Variants in RBBP5 observed in about 807,000 individuals in gnomAD.
The protein encoded by RBBP5 is retinoblastoma-binding protein 5.
RBBP5 carries 5 observed loss-of-function variants against 72.2 expected under a neutral mutation model. That is an observed-to-expected ratio of 0.07 (90% CI 0.04 to 0.15). The LOEUF (loss-of-function observed/expected upper bound fraction) is 0.15. RBBP5 is among the 10% of genes least tolerant of loss of function. RBBP5 has a pLI of 1.00. For missense variants in RBBP5, 322 were observed against 652.2 expected, an observed-to-expected ratio of 0.49 and a Z score of 5.51; for synonymous variants, 209 against 237.2, an observed-to-expected ratio of 0.88 and a Z score of 1.09.
chr1:205,111,453 C>A (rs1656312736), intron 3 of RBBP5, among the ~76,000 whole-genome samples: 1 of 152,178 alleles, frequency 6.6e-6, no homozygotes, highest in Non-Finnish European at 1.5e-5. Context: ...AGACATGCAA[C>A]CATAATCTCA....
intron 1 of RBBP5, among the ~76,000 whole-genome samples, chr1:205,119,983 C>T (rs1656673425): frequency 6.6e-6 from 1 of 152,132 alleles, no homozygotes; most frequent in Non-Finnish European, 1.5e-5. Context: ...GTCTCCTGAC[C>T]CCTAGACCAC....
intron 1 of RBBP5, among the ~76,000 whole-genome samples, chr1:205,120,550 G>A (rs1028952681): frequency 2.0e-5 from 3 of 152,180 alleles, no homozygotes; most frequent in Admixed American, 6.6e-5. Context: ...GGGAGGCTGA[G>A]GTGAGTGGAT....
intron 1 of RBBP5, 82 bp downstream of exon 1, chr1:205,121,773 G>T: frequency 6.3e-7 from 1 of 1,595,010 alleles, no homozygotes; most frequent in Non-Finnish European, 8.6e-7. Context: ...CCCTAAGATT[G>T]CAGCCTGACT....
At chr1:205,109,310 A>C (rs1434005812) in intron 3 of RBBP5, among the ~76,000 whole-genome samples, 1 of 150,114 alleles carries the variant, frequency 6.7e-6, no homozygotes, top group African/African-American at 2.5e-5. Flanking sequence ...AATACACTGT[A>C]ACAGGAAACC....
intron 10 of RBBP5, 47 bp downstream of exon 10, chr1:205,098,942 A>C (rs751506990): frequency 8.2e-7 from 1 of 1,225,988 alleles, no homozygotes; most frequent in Middle Eastern, 2.0e-4. Context: ...TAAGTAAAGC[A>C]ATCATTTTCC....
chr1:205,117,448 G>C (rs979928621), intron 1 of RBBP5, among the ~76,000 whole-genome samples: 6 of 151,774 alleles, frequency 4.0e-5, no homozygotes, highest in Non-Finnish European at 7.4e-5. Flanking sequence ...ATCACCTGAG[G>C]TCGGGAGTTC....
intron 10 of RBBP5, 48 bp from the exon 11 acceptor site, chr1:205,097,443 C>T (rs1310386646): frequency 4.6e-6 from 7 of 1,521,468 alleles, no homozygotes. Flanking sequence ...TGAAAAACTG[C>T]TTTTTATTTG....
chr1:205,094,852 A>G (rs1655549914), intron 13 of RBBP5, 21 bp downstream of exon 13: 1 of 1,593,980 alleles, frequency 6.3e-7, no homozygotes, highest in Non-Finnish European at 8.6e-7. Context: ...AAGCCAGACA[A>G]TGCTCCCAAT....
rs1313529915 is a variant in RBBP5, at chr1:205,114,831, G to A, written c.176C>T (p.Ala59Val). 6.4e-7 allele frequency: 1 copy of A among 1,554,342 alleles called. No individual in the cohort carries two copies. The highest frequency in any genetic ancestry group is 8.7e-7 in the Non-Finnish European group (1 of 1,148,056). The change falls in exon 3 of 14, where the codon GCT becomes GTT. Residue 59 changes from alanine to valine, a missense_variant. Around this residue, in one of 6 missense-constraint regions of RBBP5, gnomAD observed 161 missense variants for 327.8 expected, o/e 0.49. Transcript: ENST00000264515. ...ATGGATGTGTGCACTAATTATTTTA[G>A]CAATGCCTCTTGTCAAGAAATCCCA... The part of the protein sequence containing the change: ...VIWDFLTRGI[A>V]KIISAHIHPV...
At chr1:205,107,071 T>TAAAC (rs1033242481) in intron 3 of RBBP5, among the ~76,000 whole-genome samples, 6 of 123,954 alleles carry the variant, frequency 4.8e-5, no homozygotes, top group African/African-American at 1.8e-4. Context: ...TGTGTGTGTG[T>TAAAC]ATACATATAT....
rs754539839 is a variant in RBBP5 at position 205,100,228 on chromosome 1, C to T, written c.676G>A (p.Asp226Asn). The part of the protein sequence containing the change: ...NTADRIIRVY[D>N]GREILTCGRD... ...CCACATGTTAAGATTTCTCTGCCAT[C>T]ATAAACTCTGATTATTCGATCTGCC... Residue 226 changes from aspartate (D) to asparagine (N), a missense_variant, in exon 7 of 14, where the codon GAT becomes AAT. Asp to Asn is a conservative substitution (Grantham distance 23, BLOSUM62 1). Around this residue, in one of 6 missense-constraint regions of RBBP5, gnomAD observed 161 missense variants for 327.8 expected, o/e 0.49. Transcript: ENST00000264515. 6.2e-7 allele frequency: 1 copy of T among 1,614,120 alleles called. No homozygotes were observed. The highest frequency in any genetic ancestry group is 1.1e-5 in the South Asian group (1 of 91,084).
chr1:205,095,314 G>A (rs1655568303), intron 12 of RBBP5, among the ~76,000 whole-genome samples: 2 of 152,056 alleles, frequency 1.3e-5, no homozygotes, highest in Admixed American at 1.3e-4. Context: ...ATGCGGCCTA[G>A]GACAGCTTTG....
intron 5 of RBBP5, among the ~76,000 whole-genome samples, chr1:205,102,082 G>C (rs140428055): frequency 0.014 from 2,100 of 152,096 alleles, 29 homozygotes; most frequent in Middle Eastern, 0.037. Flanking sequence ...TTTTAGTAGA[G>C]ACAGGGTTTC....
At chr1:205,119,745 T>A (rs1003445455) in intron 1 of RBBP5, among the ~76,000 whole-genome samples, 3 of 152,244 alleles carry the variant, frequency 2.0e-5, no homozygotes, top group African/African-American at 7.2e-5. Context: ...CATAGATTAA[T>A]ACATGGAAGG....
rs1655428336 is a variant in RBBP5, at chr1:205,093,351, C to T, written c.1588+1522G>A. ...TGGTGCACGCCTGTAATCCCAGCTA[C>T]TCAGGAAGCTAGGCAAGAGAATCAC... On this transcript the variant is annotated intron_variant, in intron 13 of 13. Transcript: ENST00000264515. 2.7e-5 allele frequency among the ~76,000 whole-genome samples: 4 copies of T among 148,132 alleles called. No homozygotes were observed. The Admixed American group carries it at 2.7e-4, about 10-fold the overall frequency.
chr1:205,108,479 G>C (rs1656172022), intron 3 of RBBP5, among the ~76,000 whole-genome samples: 1 of 152,098 alleles, frequency 6.6e-6, no homozygotes, highest in African/African-American at 2.4e-5. Flanking sequence ...ATAAATGTAT[G>C]ATGTAAAACC....
chr1:205,114,990 A>G (rs560926875), intron 2 of RBBP5, 29 bp from the exon 3 acceptor site: 6 of 1,541,378 alleles, frequency 3.9e-6, no homozygotes, highest in East Asian at 4.7e-5. Flanking sequence ...ACAAGAATAG[A>G]GGCAACAATA....
intron 13 of RBBP5, among the ~76,000 whole-genome samples, chr1:205,092,255 C>T (rs1262368570): frequency 6.6e-6 from 1 of 152,152 alleles, no homozygotes; most frequent in Non-Finnish European, 1.5e-5. Flanking sequence ...TGTAATCCTT[C>T]TGTGGAAGTC....
rs146967336 is a variant in RBBP5 at position 205,115,964 on chromosome 1, T to C, written c.20-81A>G. 4.8e-4 allele frequency: 779 copies of C among 1,612,752 alleles called. 2 individuals carry two copies. The African/African-American group carries it at 8.9e-3, about 18-fold the overall frequency. On this transcript the variant is annotated intron_variant, in intron 1 of 13. Coordinates refer to ENST00000264515, the MANE Select transcript of RBBP5 (RefSeq NM_005057.4). ...ACAACTCACGAACAGTGTATAGCAG[T>C]GGCTGACAAAACGAAAAGGGGGATA... is the stretch of plus-strand genomic sequence containing the variant.
Sources: allele counts gnomAD v4.1 joint callset (sites outside exome capture counted in the v4.1 genomes callset), GRCh38; gene constraint gnomAD v4.1.1; regional missense constraint gnomAD v4.1.1; transcripts MANE v1.5; gene names NCBI Gene and HGNC (gene_info 2026-07-23, HGNC 2026-07-21).